Variants in RASSF4 observed in about 807,000 individuals in gnomAD.
RASSF4 encodes the protein Ras association domain family member 4.
A neutral mutation model predicts 41.1 loss-of-function variants in RASSF4; 38 were observed. The ratio of observed to expected loss-of-function variants is 0.92; its 90% CI spans 0.71 to 1.21. The LOEUF is 1.21. Among genes scored for constraint, RASSF4 ranks in the 50% most tolerant of loss-of-function variants. The pLI is 0.00. For synonymous variants in RASSF4, 179 were observed against 163.4 expected (o/e 1.10, Z -0.73); for missense variants, 414 against 419.4 (o/e 0.99, Z 0.11).
intron 3 of RASSF4, among the ~76,000 whole-genome samples, chr10:44,972,427 C>T (rs749397868): frequency 4.6e-5 from 7 of 152,260 alleles, no homozygotes; most frequent in Non-Finnish European, 1.0e-4. Context: ...CTGTGCAGGA[C>T]CGTGGGCCTG....
intron 6 of RASSF4, among the ~76,000 whole-genome samples, chr10:44,988,088 G>A (rs1390883114): frequency 6.6e-6 from 1 of 152,142 alleles, no homozygotes; most frequent in Non-Finnish European, 1.5e-5. Context: ...AAAGCAAGGA[G>A]AGGTTCACCT....
At chr10:44,982,245 C>A in intron 3 of RASSF4, 1 of 488,340 alleles carries the variant, frequency 2.0e-6, no homozygotes, top group South Asian at 2.5e-5. Flanking sequence ...TGCCTGCCGG[C>A]CAGCAGCTGG....
intron 6 of RASSF4, among the ~76,000 whole-genome samples, chr10:44,987,201 T>G (rs1841950617): frequency 6.6e-6 from 1 of 152,132 alleles, no homozygotes; most frequent in Non-Finnish European, 1.5e-5. Flanking sequence ...ACCTCCTAGG[T>G]TCAAGCGATT....
chr10:44,989,240 G>C, intron 6 of RASSF4, 34 bp from the exon 7 acceptor site: 1 of 1,421,812 alleles, frequency 7.0e-7, no homozygotes, highest in Non-Finnish European at 9.9e-7. Flanking sequence ...TCCCCTCTGG[G>C]CCTGACCTGA....
chr10:44,983,857 T>G, intron 4 of RASSF4, 165 bp from the exon 5 acceptor site: 1 of 1,278,830 alleles, frequency 7.8e-7, no homozygotes, highest in Non-Finnish European at 1.1e-6. Context: ...CTACTTTTCT[T>G]TTATTGTTTC....
intron 5 of RASSF4, chr10:44,984,340 T>C (rs1841836037): frequency 1.7e-6 from 1 of 577,998 alleles, no homozygotes; most frequent in South Asian, 2.2e-5. Flanking sequence ...AGTGACAGTG[T>C]GGGGGTGGCC....
chr10:44,969,766 G>A (rs116002671), intron 1 of RASSF4, among the ~76,000 whole-genome samples: 105 of 152,370 alleles, frequency 6.9e-4, no homozygotes, highest in African/African-American at 2.4e-3. Flanking sequence ...CTGGCTGAGC[G>A]GGAAGGCAGG....
intron 3 of RASSF4, chr10:44,977,349 C>T: frequency 1.3e-6 from 2 of 1,516,458 alleles, no homozygotes; most frequent in Middle Eastern, 1.8e-4. Flanking sequence ...AGAGGAGATG[C>T]AGACCCAGCA....
intron 1 of RASSF4, among the ~76,000 whole-genome samples, chr10:44,969,176 G>A (rs1169136863): frequency 6.6e-6 from 1 of 151,916 alleles, no homozygotes; most frequent in Non-Finnish European, 1.5e-5. Context: ...CATGTAGGAG[G>A]CCTTGATAAG....
At chr10:44,977,593 C>T (rs762039604) in intron 3 of RASSF4, 1 of 1,613,228 alleles carries the variant, frequency 6.2e-7, no homozygotes, top group Non-Finnish European at 8.5e-7. Flanking sequence ...CTCTGGGGGC[C>T]CCCATGGGCT....
chr10:44,972,638 G>A (rs923749538), intron 3 of RASSF4, among the ~76,000 whole-genome samples: 5 of 152,338 alleles, frequency 3.3e-5, no homozygotes, highest in East Asian at 1.9e-4. Context: ...CTAGTCTTGC[G>A]GTCATTCACA....
intron 3 of RASSF4, chr10:44,977,971 C>A: frequency 6.2e-7 from 1 of 1,612,230 alleles, no homozygotes; most frequent in Non-Finnish European, 8.5e-7. Context: ...GCAGCATCTC[C>A]TCCGTGGTCT....
intron 1 of RASSF4, among the ~76,000 whole-genome samples, chr10:44,962,768 T>C (rs901981188): frequency 6.6e-6 from 1 of 152,184 alleles, no homozygotes; most frequent in Non-Finnish European, 1.5e-5. Flanking sequence ...GTGGGGAAGT[T>C]GAGGAGTGGT....
At chr10:44,969,104 G>GGT (rs1554806540) in intron 1 of RASSF4, among the ~76,000 whole-genome samples, 3 of 149,480 alleles carry the variant, frequency 2.0e-5, no homozygotes, top group Non-Finnish European at 4.5e-5. Flanking sequence ...GTATGCGTGT[G>GGT]TTTTTGTGTG....
rs1842081720 is a variant in RASSF4, at chr10:44,990,822, T to C, written c.686-126T>C. Reference sequence around the variant, plus strand: ...CAGGAATCTCTCAGGGCAGCGCTGTTAGCGAGGTCTGTGTTCTTAGGGTTC... The same window carrying C: ...CAGGAATCTCTCAGGGCAGCGCTGTCAGCGAGGTCTGTGTTCTTAGGGTTC... On this transcript the variant is annotated intron_variant, in intron 8 of 10. Coordinates refer to ENST00000340258, the MANE Select transcript of RASSF4 (RefSeq NM_032023.4). 3 of 916,540 alleles carry C rather than the reference T, an allele frequency of 3.3e-6. No homozygotes were observed. The East Asian group carries it at 7.4e-5, about 22-fold the overall frequency. The allele number at this position is 916,540 out of a possible 1,614,324, so 56.8% of individuals were successfully genotyped here.
chr10:44,985,047 C>T (rs1168279526), intron 6 of RASSF4, 77 bp downstream of exon 6: 1 of 1,501,248 alleles, frequency 6.7e-7, no homozygotes, highest in African/African-American at 1.4e-5. Context: ...GCACCATGAC[C>T]TGTGTGGGGG....
intron 6 of RASSF4, among the ~76,000 whole-genome samples, chr10:44,987,168 G>A (rs568216615): frequency 1.7e-4 from 26 of 152,264 alleles, no homozygotes; most frequent in Non-Finnish European, 3.2e-4. Context: ...GCAGTGGCAC[G>A]ATCTGGGCTC....
intron 3 of RASSF4, chr10:44,977,799 G>A: frequency 6.2e-7 from 1 of 1,601,994 alleles, no homozygotes; most frequent in Non-Finnish European, 8.5e-7. Flanking sequence ...GACACAGCAG[G>A]GCGGCCCTTC....
chr10:44,977,441 C>G, intron 3 of RASSF4: 1 of 1,610,812 alleles, frequency 6.2e-7, no homozygotes, highest in Non-Finnish European at 8.5e-7. Flanking sequence ...TCTGAGGACA[C>G]TGCTGGGGCG....
Sources: gnomAD v4.1 joint callset for allele counts (sites outside exome capture counted in the v4.1 genomes callset) on GRCh38, gnomAD v4.1.1 for gene constraint, MANE v1.5 for transcripts, NCBI Gene and HGNC (gene_info 2026-07-23, HGNC 2026-07-21) for gene names.